Variants in TDRD1 observed in about 807,000 individuals in gnomAD.
The protein encoded by TDRD1 is tudor domain-containing protein 1.
In TDRD1, 37 loss-of-function variants were observed where a neutral mutation model predicts 140.6. The observed-to-expected ratio is 0.26, with a 90% CI of 0.20 to 0.35. TDRD1 has a LOEUF of 0.35. TDRD1 is among the 10% of genes least tolerant of loss of function. The probability of loss-of-function intolerance (pLI) is 1.00; values close to 1 mark genes in which losing one functional copy is unlikely to be tolerated. For missense variants in TDRD1, 1,243 were observed against 1,393.0 expected, an observed-to-expected ratio of 0.89 and a Z score of 1.71; for synonymous variants, 506 against 475.7, an observed-to-expected ratio of 1.06 and a Z score of -0.83.
intron 25 of TDRD1, among the ~76,000 whole-genome samples, chr10:114,231,070 A>C (rs549506396): frequency 1.8e-4 from 28 of 152,164 alleles, no homozygotes; most frequent in African/African-American, 5.5e-4. Flanking sequence ...CTGTCTCAAA[A>C]AAATAAAATA....
intron 25 of TDRD1, chr10:114,228,772 G>T: frequency 1.9e-5 from 19 of 985,354 alleles, no homozygotes; most frequent in Non-Finnish European, 2.2e-5. Context: ...ATAAATTTTT[G>T]ATTAAGAGCC....
rs778231779 is a variant in TDRD1, at chr10:114,203,058, A to G, written c.697-14A>G. ...CTTTTAAGTAACTCACTTCTGTGGT[A>G]TTTTTCAAACCAGAGTGACTGTCCA... On this transcript the variant is annotated splice_polypyrimidine_tract_variant and intron_variant, in intron 6 of 25. Transcript: ENST00000251864. 2.5e-6 allele frequency: 4 copies of G among 1,584,872 alleles called. No homozygotes were observed. The highest frequency in any genetic ancestry group is 1.7e-6 in the Non-Finnish European group (2 of 1,153,760).
chr10:114,226,014 G>C (rs780559485), intron 21 of TDRD1, 35 bp from the exon 22 acceptor site: 6 of 1,586,126 alleles, frequency 3.8e-6, no homozygotes, highest in Admixed American at 1.7e-5. Context: ...ATCACTGACT[G>C]TAAGTTCTTA....
intron 2 of TDRD1, among the ~76,000 whole-genome samples, chr10:114,188,773 C>T (rs1248429778): frequency 6.6e-6 from 1 of 151,188 alleles, no homozygotes; most frequent in Non-Finnish European, 1.5e-5. Flanking sequence ...AGGAGAATCG[C>T]TTGAACCTGG....
exon 21 of TDRD1, chr10:114,222,606 C>T (rs1308409062): frequency 6.2e-7 from 1 of 1,607,566 alleles, no homozygotes; most frequent in South Asian, 1.1e-5. Flanking sequence ...AAAAGCTGTG[C>T]ATGTTGACAG....
chr10:114,191,158 G>T (rs1458495223), intron 3 of TDRD1, 139 bp downstream of exon 3: 3 of 938,654 alleles, frequency 3.2e-6, no homozygotes, highest in African/African-American at 3.4e-5. Context: ...TTTAAAAAAA[G>T]AAAACTTTCT....
At chr10:114,192,145 A>G (rs1411757966) in intron 3 of TDRD1, among the ~76,000 whole-genome samples, 1 of 150,736 alleles carries the variant, frequency 6.6e-6, no homozygotes, top group African/African-American at 2.4e-5. Context: ...ATTTTTTCCT[A>G]ATCTGTAGCT....
At chr10:114,204,425 G>A (rs1401977307) in intron 9 of TDRD1, among the ~76,000 whole-genome samples, 1 of 152,056 alleles carries the variant, frequency 6.6e-6, no homozygotes, top group Non-Finnish European at 1.5e-5. Flanking sequence ...TTTTCAATTT[G>A]CTCTTCAAAA....
At chr10:114,227,349 C>T in intron 23 of TDRD1, 50 bp downstream of exon 23, 1 of 1,299,804 alleles carries the variant, frequency 7.7e-7, no homozygotes, top group Non-Finnish European at 1.1e-6. Context: ...TGAGGAATAA[C>T]AGATAATCAA....
At chr10:114,226,102 G>A in exon 22 of TDRD1, 1 of 1,613,524 alleles carries the variant, frequency 6.2e-7, no homozygotes, top group Non-Finnish European at 8.5e-7. Flanking sequence ...CACTGATGTG[G>A]AAGTGCTCTA....
intron 13 of TDRD1, among the ~76,000 whole-genome samples, chr10:114,211,232 T>A (rs1384139896): frequency 6.6e-6 from 1 of 152,124 alleles, no homozygotes; most frequent in Non-Finnish European, 1.5e-5. Context: ...TTTGTCAGCC[T>A]TTTGGTTTTG....
intron 23 of TDRD1, among the ~76,000 whole-genome samples, chr10:114,227,525 G>A (rs1589720231): frequency 1.3e-5 from 2 of 152,236 alleles, no homozygotes; most frequent in African/African-American, 2.4e-5. Context: ...CAGCACTGCT[G>A]TGGGAATTGA....
intron 1 of TDRD1, among the ~76,000 whole-genome samples, chr10:114,182,708 G>A (rs999027670): frequency 1.6e-4 from 23 of 143,096 alleles, no homozygotes; most frequent in African/African-American, 5.7e-4. Context: ...TTTTTTTTGA[G>A]ACAGTCTTGC....
chr10:114,181,725 G>C (rs1017128403), intron 1 of TDRD1, among the ~76,000 whole-genome samples: 1 of 151,852 alleles, frequency 6.6e-6, no homozygotes, highest in Non-Finnish European at 1.5e-5. Context: ...CATGCCTGTA[G>C]TCCCAGCTAC....
chr10:114,205,938 G>A (rs879721564), intron 10 of TDRD1, among the ~76,000 whole-genome samples: 2 of 152,074 alleles, frequency 1.3e-5, no homozygotes, highest in Non-Finnish European at 2.9e-5. Context: ...TATTTCACAT[G>A]GCATGCCTGT....
chr10:114,210,037 T>G (rs1304529003), intron 11 of TDRD1, among the ~76,000 whole-genome samples: 1 of 152,184 alleles, frequency 6.6e-6, no homozygotes, highest in Non-Finnish European at 1.5e-5. Flanking sequence ...TTCACTGTGC[T>G]TTTGAAGCCT....
upstream of TDRD1, among the ~76,000 whole-genome samples, chr10:114,175,168 A>G (rs1481071994): frequency 2.6e-5 from 4 of 152,218 alleles, no homozygotes; most frequent in Non-Finnish European, 5.9e-5. Flanking sequence ...GTGTCTTGTC[A>G]TAGAAAATAA....
intron 1 of TDRD1, among the ~76,000 whole-genome samples, chr10:114,181,287 T>A (rs2033041013): frequency 6.6e-6 from 1 of 152,224 alleles, no homozygotes; most frequent in African/African-American, 2.4e-5. Context: ...ATTAAATATA[T>A]TTCTATTTAT....
At chr10:114,191,830 T>TA (rs2033985724) in intron 3 of TDRD1, among the ~76,000 whole-genome samples, 1 of 152,226 alleles carries the variant, frequency 6.6e-6, no homozygotes, top group African/African-American at 2.4e-5. Flanking sequence ...TTTACATTCT[T>TA]ACCAAGGGTG....
Sources: gnomAD v4.1 joint callset for allele counts (sites outside exome capture counted in the v4.1 genomes callset) on GRCh38, gnomAD v4.1.1 for gene constraint, MANE v1.5 for transcripts, NCBI Gene and HGNC (gene_info 2026-07-23, HGNC 2026-07-21) for gene names.